TF: variants seen among roughly 807,000 people sequenced by gnomAD.
TF encodes transferrin, also known as serotransferrin.
In TF, 55 loss-of-function variants were observed where a neutral mutation model predicts 82.4. The ratio of observed to expected loss-of-function variants is 0.67; its 90% confidence interval spans 0.54 to 0.84. The LOEUF (loss-of-function observed/expected upper bound fraction) is 0.84, where lower values mean the gene tolerates loss of function less well. TF is among the 40% of genes least tolerant of loss of function. The probability of loss-of-function intolerance (pLI) is 0.00; values close to 1 mark genes in which losing one functional copy is unlikely to be tolerated. For missense variants in TF, 737 were observed against 868.4 expected, an observed-to-expected ratio of 0.85 and a Z score of 1.90; for synonymous variants, 332 against 332.6, an observed-to-expected ratio of 1.00 and a Z score of 0.02.
rs977052126 is a variant in TF, at chr3:133,770,382, G to C, written c.1623-126G>C. 58 of 844,932 alleles carry C rather than the reference G, an allele frequency of 6.9e-5. No individual in the cohort carries two copies. In the Admixed American group the frequency reaches 9.7e-4, roughly 14 times the overall value. 52.3% of individuals were successfully genotyped at this position (844,932 alleles called of 1,614,324 possible). A position where few individuals can be genotyped will look rare whatever the true frequency, so the allele number is the denominator to read the frequency against. On this transcript the variant is annotated intron_variant, in intron 13 of 16. Coordinates refer to ENST00000402696, the MANE Select transcript of TF (RefSeq NM_001063.4). ...CTCTTTATTCCTTACATTGCTTACT[G>C]TTAGAATGGAAGTTACAGTTGCTGT...
At chr3:133,680,509 T>A in the TF span, among the ~76,000 whole-genome samples, 1 of 150,098 alleles carries the variant, frequency 6.7e-6, no homozygotes, top group African/African-American at 2.5e-5. Flanking sequence ...CCAGCTACTC[T>A]CCACCTTTTA....
At chr3:133,698,693 G>A in the TF span, among the ~76,000 whole-genome samples, 3 of 152,168 alleles carry the variant, frequency 2.0e-5, no homozygotes, top group Admixed American at 6.5e-5. Context: ...CAGTGTGACC[G>A]CATCTTAACT....
At chr3:133,755,577 AG>A in intron 5 of TF, 82 bp downstream of exon 5, 1 of 1,591,712 alleles carries the variant, frequency 6.3e-7, no homozygotes, top group East Asian at 2.2e-5. Flanking sequence ...TCCAAAGCCG[AG>A]CCCTGCCTGC....
Position 133,775,209 on chromosome 3 carries a change from G to A in TF, c.1688-224G>A. On this transcript the variant is annotated intron_variant, in intron 14 of 16. Coordinates refer to ENST00000402696, the MANE Select transcript of TF (RefSeq NM_001063.4). The stretch of plus-strand genomic sequence containing the variant: ...ATTCTCACCTGGCTGGGTAGGGAAG[G>A]TTGGAAGGGGATGGTCAATAATCAT... 3 of 600,612 alleles carry A rather than the reference G, an allele frequency of 5.0e-6. No homozygotes were observed. The South Asian group carries it at 5.8e-5, about 12-fold the overall frequency. The allele number at this position is 600,612 out of a possible 1,614,324, so 37.2% of individuals were successfully genotyped here. A position where few individuals can be genotyped will look rare whatever the true frequency, so the allele number is the denominator to read the frequency against.
At chr3:133,775,221 T>C (rs1260030386) in intron 14 of TF, 1 of 613,488 alleles carries the variant, frequency 1.6e-6, no homozygotes, top group Non-Finnish European at 2.9e-6. Context: ...TGGAAGGGGA[T>C]GGTCAATAAT....
chr3:133,737,724 A>T, the TF span, among the ~76,000 whole-genome samples: 1 of 152,244 alleles, frequency 6.6e-6, no homozygotes, highest in African/African-American at 2.4e-5. Context: ...AGAAATGGAT[A>T]AATTCCTGGA....
the TF span, among the ~76,000 whole-genome samples, chr3:133,736,475 G>T: frequency 6.6e-6 from 1 of 151,754 alleles, no homozygotes. Context: ...AATGTAAACG[G>T]GCTAAGTGCC....
intron 2 of TF, 189 bp downstream of exon 2, chr3:133,748,773 A>T: frequency 1.4e-6 from 1 of 723,680 alleles, no homozygotes; most frequent in Non-Finnish European, 2.3e-6. Flanking sequence ...CAAAAGTCAA[A>T]AAGCACATTA....
intron 5 of TF, chr3:133,755,830 G>A (rs1242709828): frequency 6.5e-6 from 3 of 462,702 alleles, no homozygotes; most frequent in Middle Eastern, 6.2e-4. Flanking sequence ...CCAGGGACTG[G>A]CCCTCTTCCC....
the TF span, among the ~76,000 whole-genome samples, chr3:133,732,739 C>T: frequency 6.6e-6 from 1 of 152,210 alleles, no homozygotes; most frequent in Admixed American, 6.5e-5. Flanking sequence ...GACACACCGT[C>T]TTTAAGAACT....
At chr3:133,704,307 G>A in the TF span, 1 of 227,774 alleles carries the variant, frequency 4.4e-6, no homozygotes, top group Admixed American at 4.1e-5. Flanking sequence ...TCCTGGCAGA[G>A]AACTACAGTA....
chr3:133,751,272 G>T (rs1020789589), intron 2 of TF, among the ~76,000 whole-genome samples: 3 of 125,954 alleles, frequency 2.4e-5, no homozygotes, highest in South Asian at 5.0e-4. Context: ...TCGCTCTGTC[G>T]CCCAGGCTGG....
the TF span, among the ~76,000 whole-genome samples, chr3:133,679,497 A>G: frequency 7.9e-5 from 12 of 151,174 alleles, no homozygotes; most frequent in South Asian, 1.9e-3. Context: ...ACTTTCTGCC[A>G]CTATAGATAA....
chr3:133,686,628 G>A, the TF span, among the ~76,000 whole-genome samples: 1 of 152,302 alleles, frequency 6.6e-6, no homozygotes. Flanking sequence ...TCAGAGAAAT[G>A]CAAATCAAAA....
chr3:133,731,251 A>G, the TF span, among the ~76,000 whole-genome samples: 1 of 152,220 alleles, frequency 6.6e-6, no homozygotes, highest in Non-Finnish European at 1.5e-5. Context: ...TCATGGGCCT[A>G]TCTGAAGGTC....
chr3:133,791,704 A>G lies in TF; in HGVS notation c.*13084A>G, dbSNP rs1934841251. The G allele has an allele frequency of 1.3e-5, 2 of 152,220 alleles. No individual in the cohort carries two copies. Among genetic ancestry groups the G allele is most frequent in the Admixed American group, 1.3e-4 (2 of 15,280 alleles). The allele number at this position is 152,220 out of a possible 1,614,324, so 9.4% of individuals were successfully genotyped here. ...TTCAAGACACACCAGCAGACTGGTC[A>G]GTCATGTCTTTGGGAGCTTGACCTT... On this transcript the variant is annotated 3_prime_UTR_variant, in exon 17 of 17. Transcript: ENST00000402696.
rs756134889 is a variant in TF at position 133,753,902 on chromosome 3, G to A, written c.325+199G>A. On this transcript the variant is annotated intron_variant, in intron 3 of 16. Transcript: ENST00000402696. The stretch of plus-strand genomic sequence containing the variant: ...GGCTTTGGGCTGGCTGAGGACTGGT[G>A]CTCCTAAAACTGAGCCCTGGGCCAG... 3 of 654,878 alleles carry A rather than the reference G, an allele frequency of 4.6e-6. No individual in the cohort carries two copies. The East Asian group carries it at 8.2e-5, about 18-fold the overall frequency. The allele number at this position is 654,878 out of a possible 1,614,324, so 40.6% of individuals were successfully genotyped here.
intron 9 of TF, among the ~76,000 whole-genome samples, chr3:133,760,037 C>T (rs964787591): frequency 6.6e-6 from 1 of 151,958 alleles, no homozygotes. Flanking sequence ...CTTGTAAAAC[C>T]TAATCTGGAG....
In TF at chr3:133,792,542, A is replaced by T. The variant is rs1038130378; in HGVS notation, c.*13922A>T. The T allele has an allele frequency of 2.6e-5, 4 of 152,204 alleles. No individual in the cohort carries two copies. The highest frequency in any genetic ancestry group is 5.9e-5 in the Non-Finnish European group (4 of 68,030). The allele number at this position is 152,204 out of a possible 1,614,324, so 9.4% of individuals were successfully genotyped here. On this transcript the variant is annotated 3_prime_UTR_variant, in exon 17 of 17. Transcript: ENST00000402696. ...TTCTCTCTGGGTCCTAGACTCCACA[A>T]CTAATATATAATTAAAATCCTTAAC...
Sources: allele counts gnomAD v4.1 joint callset (sites outside exome capture counted in the v4.1 genomes callset), GRCh38; gene constraint gnomAD v4.1.1; transcripts MANE v1.5; gene names NCBI Gene and HGNC (gene_info 2026-07-23, HGNC 2026-07-21).